The following SIN3A variants were observed in gnomAD, a reference collection of about 807,000 sequenced individuals.
SIN3A encodes the protein SIN3 transcription regulator family member A, also known as paired amphipathic helix protein Sin3a.
A neutral mutation model predicts 146.1 loss-of-function variants in SIN3A; 14 were observed. That is an observed-to-expected ratio of 0.10 (90% confidence interval 0.06 to 0.15). The LOEUF (loss-of-function observed/expected upper bound fraction) is 0.15. SIN3A is among the 10% of genes least tolerant of loss of function. The probability of loss-of-function intolerance (pLI) is 1.00; values close to 1 mark genes in which losing one functional copy is unlikely to be tolerated. For missense variants in SIN3A, 1,028 were observed against 1,576.0 expected, an observed-to-expected ratio of 0.65 and a Z score of 5.89; for synonymous variants, 572 against 572.0, an observed-to-expected ratio of 1.00 and a Z score of 0.00.
At chr15:75,415,530 TG>T (rs1488941958) in intron 3 of SIN3A, 1 of 207,162 alleles carries the variant, frequency 4.8e-6, no homozygotes, top group African/African-American at 2.4e-5. Context: ...ATGCTAAACC[TG>T]CTCCTCCAAA....
chr15:75,431,337 T>C (rs761616998), intron 1 of SIN3A, among the ~76,000 whole-genome samples: 3 of 152,218 alleles, frequency 2.0e-5, no homozygotes, highest in African/African-American at 4.8e-5. Context: ...TTAACAGTTA[T>C]AAGAAGAGAT....
At chr15:75,397,839 T>G (rs1205144518) in intron 12 of SIN3A, among the ~76,000 whole-genome samples, 1 of 152,214 alleles carries the variant, frequency 6.6e-6, no homozygotes, top group Non-Finnish European at 1.5e-5. Context: ...AATGCCAAGC[T>G]CTGCTAAACT....
intron 12 of SIN3A, 51 bp downstream of exon 12, chr15:75,399,989 C>T (rs1450741493): frequency 3.1e-6 from 3 of 982,692 alleles, no homozygotes; most frequent in Non-Finnish European, 4.9e-6. Context: ...CTGATAGTCT[C>T]ACTGAGCATC....
chr15:75,436,700 G>GT (rs950989960), intron 1 of SIN3A, among the ~76,000 whole-genome samples: 3 of 151,636 alleles, frequency 2.0e-5, no homozygotes, highest in African/African-American at 7.3e-5. Flanking sequence ...ACTTTGTTGT[G>GT]TATTTGGAAA....
chr15:75,455,298 C>G (rs894636027), upstream of SIN3A, among the ~76,000 whole-genome samples: 2 of 151,816 alleles, frequency 1.3e-5, no homozygotes, highest in Non-Finnish European at 1.5e-5. Context: ...GCCCCGCCGA[C>G]CATGCTCGAG....
At chr15:75,453,129 G>A (rs1480671420), upstream of SIN3A, 3 of 152,278 alleles carry the variant, frequency 2.0e-5, no homozygotes, top group East Asian at 5.8e-4. Flanking sequence ...AAGACCCCAA[G>A]GGACACGCCC....
intron 16 of SIN3A, 42 bp from the exon 17 acceptor site, chr15:75,384,479 C>T: frequency 7.2e-7 from 1 of 1,396,318 alleles, no homozygotes; most frequent in Non-Finnish European, 9.5e-7. Flanking sequence ...ACACAGAAAA[C>T]ATTTCTCCAT....
In SIN3A at chr15:75,372,160, A is replaced by T. The variant is rs2072763055; in HGVS notation, c.3641T>A (p.Val1214Glu). 1.2e-6 allele frequency: 2 copies of T among 1,613,742 alleles called. No homozygotes were observed. The highest frequency in any genetic ancestry group is 1.7e-6 in the Non-Finnish European group (2 of 1,179,912). ...KRLHQRFQAWVDKWTKEHVPR... is the reference protein window; with the variant it reads ...KRLHQRFQAWEDKWTKEHVPR... Reference sequence around the variant, plus strand: ...CACATGCTCCTTGGTCCATTTATCTACCCAGGCCTGGAATCTCTGATGTAG... The same window carrying T: ...CACATGCTCCTTGGTCCATTTATCTTCCCAGGCCTGGAATCTCTGATGTAG... Residue 1214 changes from valine to glutamate, a missense_variant, in exon 21 of 21, where the codon GTA (valine) becomes GAA (glutamate). Physicochemically the swap from Val to Glu is moderately radical, Grantham distance 121 (BLOSUM62 -2). Coordinates refer to ENST00000394947, the MANE Select transcript of SIN3A (RefSeq NM_001145358.2).
At chr15:75,387,152 G>A (rs2073100718) in intron 16 of SIN3A, among the ~76,000 whole-genome samples, 3 of 152,304 alleles carry the variant, frequency 2.0e-5, no homozygotes, top group African/African-American at 7.2e-5. Context: ...AGTGGAATCT[G>A]AGGGAACACC....
chr15:75,375,877 T>C lies in SIN3A; in HGVS notation c.3384-5A>G, dbSNP rs2072845663. 3.7e-6 allele frequency: 6 copies of C among 1,613,692 alleles called. No homozygotes were observed. The highest frequency in any genetic ancestry group is 1.1e-5 in the South Asian group (1 of 91,090). ...TTCCGGATCCGCCGTAGATTCCTAT[T>C]GCAGAAAAGCCCCGGAGGATGAGAG... is the stretch of plus-strand genomic sequence containing the variant. On this transcript the variant is annotated splice_polypyrimidine_tract_variant and splice_region_variant and intron_variant, in intron 19 of 20. Coordinates refer to ENST00000394947, the MANE Select transcript of SIN3A (RefSeq NM_001145358.2).
At chr15:75,422,945 G>T in intron 2 of SIN3A, 122 bp from the exon 3 acceptor site, 3 of 967,464 alleles carry the variant, frequency 3.1e-6, no homozygotes, top group Non-Finnish European at 4.6e-6. Flanking sequence ...TCTGCTGGGC[G>T]TGATGGCTCA....
chr15:75,413,116 G>GA, intron 4 of SIN3A, 71 bp from the exon 5 acceptor site: 3 of 1,432,364 alleles, frequency 2.1e-6, no homozygotes, highest in Non-Finnish European at 2.8e-6. Flanking sequence ...AAAATTTCAT[G>GA]TTTTTTTTTC....
intron 2 of SIN3A, 55 bp from the exon 3 acceptor site, chr15:75,422,878 A>G: frequency 6.5e-7 from 1 of 1,527,388 alleles, no homozygotes; most frequent in Non-Finnish European, 8.9e-7. Context: ...TTCTTCCCCA[A>G]ATGAGTCTAA....
rs944463130 is a variant in SIN3A at position 75,422,907 on chromosome 15, CA to C, written c.190-85del. Reference sequence around the variant, plus strand: ...AGTCTAAATAACTAACACAAATGCACAAAGATAATTAATTGGAAACCCAAAT... The same window carrying C: ...AGTCTAAATAACTAACACAAATGCACAAGATAATTAATTGGAAACCCAAAT... On this transcript the variant is annotated intron_variant, in intron 2 of 20. Coordinates refer to ENST00000394947, the MANE Select transcript of SIN3A (RefSeq NM_001145358.2). 15 of 1,403,218 alleles carry C rather than the reference CA, an allele frequency of 1.1e-5. No homozygotes were observed. The African/African-American group carries it at 2.0e-4, about 19-fold the overall frequency. The allele number at this position is 1,403,218 out of a possible 1,614,324, so 86.9% of individuals were successfully genotyped here.
At chr15:75,399,258 G>A (rs2073364216) in intron 12 of SIN3A, among the ~76,000 whole-genome samples, 1 of 152,032 alleles carries the variant, frequency 6.6e-6, no homozygotes, top group South Asian at 2.1e-4. Context: ...GCTGGGCGCA[G>A]TGGCTCACAC....
intron 2 of SIN3A, among the ~76,000 whole-genome samples, chr15:75,427,044 GA>G (rs939590578): frequency 4.6e-5 from 7 of 152,152 alleles, no homozygotes; most frequent in Admixed American, 4.6e-4. Flanking sequence ...AGGTGTGACA[GA>G]AAAAAAGTCA....
chr15:75,433,782 C>A (rs1037194280), intron 1 of SIN3A, among the ~76,000 whole-genome samples: 1 of 152,154 alleles, frequency 6.6e-6, no homozygotes, highest in African/African-American at 2.4e-5. Flanking sequence ...GCACTCCAGC[C>A]TGGGCGACAG....
At chr15:75,455,165 A>C (rs537557994), upstream of SIN3A, 2 of 150,850 alleles carry the variant, frequency 1.3e-5, no homozygotes, top group African/African-American at 2.4e-5. Flanking sequence ...GTTTGCGGGC[A>C]AAAACAAAAC....
At chr15:75,413,269 C>T (rs529045197) in intron 4 of SIN3A, among the ~76,000 whole-genome samples, 1 of 151,958 alleles carries the variant, frequency 6.6e-6, no homozygotes, top group Non-Finnish European at 1.5e-5. Flanking sequence ...TACAGGCATG[C>T]GCCACCATAC....
Sources: gnomAD v4.1 joint callset for allele counts (sites outside exome capture counted in the v4.1 genomes callset) on GRCh38, gnomAD v4.1.1 for gene constraint, MANE v1.5 for transcripts, NCBI Gene and HGNC (gene_info 2026-07-23, HGNC 2026-07-21) for gene names.